MILR1: variants seen among roughly 807,000 people sequenced by gnomAD.
MILR1 encodes the protein allergin-1.
A neutral mutation model predicts 18.5 loss-of-function variants in MILR1; 31 were observed. The observed-to-expected ratio is 1.68, with a 90% CI of 1.26 to 2.26. The LOEUF is 2.26. MILR1 is among the 30% of genes most tolerant of loss of function. The pLI is 0.00. For missense variants in MILR1, 257 were observed against 157.4 expected, an observed-to-expected ratio of 1.63 and a Z score of -3.38; for synonymous variants, 85 against 56.2, an observed-to-expected ratio of 1.51 and a Z score of -2.30.
the MILR1 span, among the ~76,000 whole-genome samples, chr17:64,475,736 C>T: frequency 6.6e-6 from 1 of 150,916 alleles, no homozygotes; most frequent in Non-Finnish European, 1.5e-5. Context: ...TTAATGAACT[C>T]ACCACTTGAG....
the MILR1 span, among the ~76,000 whole-genome samples, chr17:64,489,195 A>T: frequency 6.6e-6 from 1 of 151,786 alleles, no homozygotes; most frequent in Admixed American, 6.6e-5. Context: ...GGCCAAGTCT[A>T]GGACAATTTG....
chr17:64,460,015 TA>T (rs2037394114), intron 4 of MILR1, among the ~76,000 whole-genome samples: 15 of 146,270 alleles, frequency 1.0e-4, no homozygotes, highest in African/African-American at 3.8e-4. Flanking sequence ...TTTATTTATT[TA>T]TTTATTTATT....
At chr17:64,449,484 C>T (rs900221547) in intron 2 of MILR1, 129 bp downstream of exon 2, 6 of 410,332 alleles carry the variant, frequency 1.5e-5, no homozygotes, top group African/African-American at 1.0e-4. Context: ...ACAGTCTTTT[C>T]AATTATCTAT....
intron 4 of MILR1, among the ~76,000 whole-genome samples, chr17:64,459,987 TTTTATTTTATTTATTTATTTATTTA>T (rs2037388403): frequency 7.6e-6 from 1 of 131,298 alleles, no homozygotes; most frequent in Admixed American, 8.3e-5. Context: ...TTTTATTTTA[TTTTATTTTATTTATTTATTTATTTA>T]TTTATTTATT....
At chr17:64,485,652 C>T in the MILR1 span, 59 of 1,153,766 alleles carry the variant, frequency 5.1e-5, no homozygotes, top group East Asian at 9.3e-5. Context: ...TGTTAGAAAC[C>T]GAGCACACTA....
chr17:64,491,033 T>C, the MILR1 span: 2 of 1,205,176 alleles, frequency 1.7e-6, no homozygotes, highest in African/African-American at 3.0e-5. Context: ...ACTCCCATAA[T>C]TATCTGTAAG....
Position 64,466,678 on chromosome 17 carries a change from G to A in MILR1, c.979+16G>A. 6.3e-7 allele frequency: 1 copy of A among 1,593,632 alleles called. No homozygotes were observed. ...AGAGAGCAAGGTGAGCCACAGGTTG[G>A]GATAAGAGGTACTGGTGAAATGAGA... On this transcript the variant is annotated intron_variant, in intron 8 of 9. Coordinates refer to ENST00000619286, the MANE Select transcript of MILR1 (RefSeq NM_001085423.2).
rs1445555908 is a variant in MILR1 at position 64,452,863 on chromosome 17, G to C, written c.364G>C (p.Val122Leu). 1 of 474,952 alleles carries C rather than the reference G, an allele frequency of 2.1e-6. No individual in the cohort carries two copies. The highest frequency in any genetic ancestry group is 3.9e-6 in the Non-Finnish European group (1 of 258,964). The allele number at this position is 474,952 out of a possible 1,614,324, so 29.4% of individuals were successfully genotyped here. The change falls in exon 3 of 10, where the codon GTC becomes CTC. Residue 122 changes from valine to leucine, a missense_variant. By Grantham distance (32) the Val-to-Leu change is conservative (BLOSUM62 1). Coordinates refer to ENST00000619286, the MANE Select transcript of MILR1 (RefSeq NM_001085423.2). ...KYSRDFSFTI[V>L]DPVTSPVLNI... is the part of the protein sequence containing the mutation. The stretch of plus-strand genomic sequence containing the variant: ...CAGTCGTGACTTCAGCTTCACGATT[G>C]TCGGTAAGTAGAGTGCCTGTTCCTT...
At chr17:64,493,139 T>C in the MILR1 span, 155,816 of 1,158,920 alleles carry the variant, frequency 0.13, 23,483 homozygotes, top group African/African-American at 0.71. Flanking sequence ...AGATGTTGGC[T>C]AAGCTTGGTG....
At chr17:64,481,170 C>T in the MILR1 span, 1 of 564,950 alleles carries the variant, frequency 1.8e-6, no homozygotes, top group Non-Finnish European at 2.2e-6. Context: ...TCTCTCCAGA[C>T]ATTACTAAAT....
In MILR1 at chr17:64,449,131, T is replaced by TG. The variant is rs1467140423; in HGVS notation, c.-38_-37insG. On this transcript the variant is annotated 5_prime_UTR_variant, in exon 1 of 10. Coordinates refer to ENST00000619286, the MANE Select transcript of MILR1 (RefSeq NM_001085423.2). Reference sequence around the variant, plus strand: ...GAGTTACTCACCACTGTGGTTCTACTATGCCTTCTGACCCCGTCTTGGACT... The same window carrying TG: ...GAGTTACTCACCACTGTGGTTCTACTGATGCCTTCTGACCCCGTCTTGGACT... The TG allele has an allele frequency of 2.0e-4, 93 of 458,352 alleles. No individual in the cohort carries two copies. The highest frequency in any genetic ancestry group is 1.7e-3 in the African/African-American group (87 of 50,416). The allele number at this position is 458,352 out of a possible 1,614,324, so 28.4% of individuals were successfully genotyped here. A position where few individuals can be genotyped will look rare whatever the true frequency, so the allele number is the denominator to read the frequency against.
chr17:64,459,990 TA>T (rs1300006086), intron 4 of MILR1, among the ~76,000 whole-genome samples: 6 of 123,520 alleles, frequency 4.9e-5, no homozygotes, highest in African/African-American at 1.9e-4. Flanking sequence ...TATTTTATTT[TA>T]TTTTATTTAT....
the MILR1 span, among the ~76,000 whole-genome samples, chr17:64,483,808 T>C: frequency 6.6e-6 from 1 of 151,738 alleles, no homozygotes; most frequent in East Asian, 1.9e-4. Flanking sequence ...ACCTCTGGGC[T>C]CAAGCCATCC....
At chr17:64,493,863 A>T in the MILR1 span, among the ~76,000 whole-genome samples, 1 of 152,172 alleles carries the variant, frequency 6.6e-6, no homozygotes, top group African/African-American at 2.4e-5. Flanking sequence ...CCCTTTACCT[A>T]GATTCATCAA....
In MILR1 at chr17:64,468,527, G is replaced by A. The variant is rs2037633295; in HGVS notation, c.*246G>A. 7 of 727,386 alleles carry A rather than the reference G, an allele frequency of 9.6e-6. No homozygotes were observed. The highest frequency in any genetic ancestry group is 1.3e-5 in the Non-Finnish European group (7 of 534,956). The allele number at this position is 727,386 out of a possible 1,614,324, so 45.1% of individuals were successfully genotyped here. A position where few individuals can be genotyped will look rare whatever the true frequency, so the allele number is the denominator to read the frequency against. ...TGGTCTTGAACTCCTGACCTCAGAT[G>A]ATCTGCCTGCCTCGGCCTCCCAAAG... On this transcript the variant is annotated 3_prime_UTR_variant, in exon 10 of 10. Coordinates refer to ENST00000619286, the MANE Select transcript of MILR1 (RefSeq NM_001085423.2).
chr17:64,496,772 C>T, the MILR1 span: 1 of 1,613,994 alleles, frequency 6.2e-7, no homozygotes, highest in Non-Finnish European at 8.5e-7. Context: ...CAGCGCCTCG[C>T]TTCCCTCTCC....
At chr17:64,464,925 A>G (rs1482972534) in intron 5 of MILR1, among the ~76,000 whole-genome samples, 3 of 151,992 alleles carry the variant, frequency 2.0e-5, no homozygotes, top group East Asian at 1.9e-4. Flanking sequence ...CTCCGTCTCA[A>G]AAAAATACAA....
At chr17:64,486,515 CCAT>C in the MILR1 span, among the ~76,000 whole-genome samples, 2 of 152,068 alleles carry the variant, frequency 1.3e-5, no homozygotes, top group Admixed American at 1.3e-4. Flanking sequence ...GCACACACCA[CCAT>C]GTCTGGCTAA....
chr17:64,466,681 T>C lies in MILR1; in HGVS notation c.979+19T>C, dbSNP rs539766664. The C allele has an allele frequency of 1.8e-5, 29 of 1,588,884 alleles. No individual in the cohort carries two copies. In the East Asian group the frequency reaches 6.4e-4, roughly 35 times the overall value. On this transcript the variant is annotated intron_variant, in intron 8 of 9. Coordinates refer to ENST00000619286, the MANE Select transcript of MILR1 (RefSeq NM_001085423.2). The stretch of plus-strand genomic sequence containing the variant: ...GAGCAAGGTGAGCCACAGGTTGGGA[T>C]AAGAGGTACTGGTGAAATGAGACAG...
Sources: gnomAD v4.1 joint callset for allele counts (sites outside exome capture counted in the v4.1 genomes callset) on GRCh38, gnomAD v4.1.1 for gene constraint, MANE v1.5 for transcripts, NCBI Gene and HGNC (gene_info 2026-07-23, HGNC 2026-07-21) for gene names.